The following WWOX variants were observed in gnomAD, a reference collection of about 807,000 sequenced individuals.
WWOX encodes the protein WW domain-containing oxidoreductase.
WWOX carries 69 observed loss-of-function variants against 46.2 expected under a neutral mutation model. The observed-to-expected ratio is 1.49, with a 90% CI of 1.23 to 1.82. The LOEUF (loss-of-function observed/expected upper bound fraction) is 1.82, where lower values mean the gene tolerates loss of function less well. WWOX is among the 40% of genes most tolerant of loss of function. WWOX has a pLI of 0.00. For missense variants in WWOX, 919 were observed against 542.6 expected, an observed-to-expected ratio of 1.69 and a Z score of -6.89; for synonymous variants, 359 against 202.6, an observed-to-expected ratio of 1.77 and a Z score of -6.56.
intron 8 of WWOX, among the ~76,000 whole-genome samples, chr16:78,558,109 C>G (rs1490210418): frequency 6.6e-6 from 1 of 152,078 alleles, no homozygotes; most frequent in South Asian, 2.1e-4. Context: ...CCGGCTCATT[C>G]TTGGCTTTCA....
At chr16:78,471,290 A>G (rs2084214256) in intron 8 of WWOX, among the ~76,000 whole-genome samples, 9 of 152,224 alleles carry the variant, frequency 5.9e-5, no homozygotes, top group Admixed American at 4.6e-4. Context: ...CAAACATGGA[A>G]TACAGATTTC....
intron 8 of WWOX, among the ~76,000 whole-genome samples, chr16:78,941,815 G>A (rs571622951): frequency 2.2e-4 from 33 of 152,260 alleles, no homozygotes; most frequent in Middle Eastern, 3.4e-3. Context: ...GTAAGTCAAG[G>A]ATTGTGCTTT....
In WWOX at chr16:78,974,228, T is replaced by C. The variant is rs1276743463; in HGVS notation, c.1057-237380T>C. Among the ~76,000 whole-genome samples the C allele has an allele frequency of 2.0e-5, 3 of 152,210 alleles. No homozygotes were observed. The South Asian group carries it at 6.2e-4, about 32-fold the overall frequency. On this transcript the variant is annotated intron_variant, in intron 8 of 8. Coordinates refer to ENST00000566780, the MANE Select transcript of WWOX (RefSeq NM_016373.4). The stretch of plus-strand genomic sequence containing the variant: ...GCGTACTCTTCAGAGAACGGATTCT[T>C]TTGGATTTGTGTTAGAGAAAAACTG...
chr16:78,956,011 A>AC (rs1290947767), intron 8 of WWOX, among the ~76,000 whole-genome samples: 1 of 152,014 alleles, frequency 6.6e-6, no homozygotes, highest in African/African-American at 2.4e-5. Context: ...CACAAAAAAA[A>AC]CTTTTTTTTT....
intron 5 of WWOX, among the ~76,000 whole-genome samples, chr16:78,189,169 C>G (rs1056314000): frequency 6.6e-6 from 1 of 152,158 alleles, no homozygotes; most frequent in Non-Finnish European, 1.5e-5. Flanking sequence ...GAAAGCGTGG[C>G]TTCTCAAGAC....
chr16:78,266,171 T>C (rs371826667), intron 5 of WWOX: 97 of 152,338 alleles, frequency 6.4e-4, no homozygotes, highest in African/African-American at 2.1e-3. Context: ...GAGCTAAGAA[T>C]GGTTTTTACA....
At chr16:78,676,319 C>G (rs553859379) in intron 8 of WWOX, among the ~76,000 whole-genome samples, 3 of 151,954 alleles carry the variant, frequency 2.0e-5, no homozygotes, top group Non-Finnish European at 2.9e-5. Context: ...ACTTTGTCCC[C>G]TTTTGTTCCT....
rs530800523 is a variant in WWOX at position 78,291,293 on chromosome 16, C to T, written c.517-95567C>T. ...ATGTGTATTCTTTGCTTAAGGACCA[C>T]AGCCTAATGTTATTTTGACTGCATT... is the stretch of plus-strand genomic sequence containing the variant. On this transcript the variant is annotated intron_variant, in intron 5 of 8. Coordinates refer to ENST00000566780, the MANE Select transcript of WWOX (RefSeq NM_016373.4). 2.3e-3 allele frequency among the ~76,000 whole-genome samples: 348 copies of T among 152,322 alleles called. 1 individual carries two copies. The highest frequency in any genetic ancestry group is 0.014 in the Middle Eastern group (4 of 294).
intron 8 of WWOX, among the ~76,000 whole-genome samples, chr16:79,072,108 C>T (rs1250804823): frequency 6.6e-6 from 1 of 152,052 alleles, no homozygotes; most frequent in Non-Finnish European, 1.5e-5. Context: ...AACAGTGAGA[C>T]TCCATCTCTA....
chr16:78,378,937 A>G (rs557612932), intron 5 of WWOX, among the ~76,000 whole-genome samples: 4 of 152,350 alleles, frequency 2.6e-5, no homozygotes, highest in Non-Finnish European at 4.4e-5. Flanking sequence ...TACGTCTTCA[A>G]GAATATGACG....
At chr16:78,651,820 T>A (rs2046971714) in intron 8 of WWOX, among the ~76,000 whole-genome samples, 1 of 152,176 alleles carries the variant, frequency 6.6e-6, no homozygotes, top group Non-Finnish European at 1.5e-5. Context: ...AACAAACTGA[T>A]TGGTTGGACT....
intron 8 of WWOX, among the ~76,000 whole-genome samples, chr16:78,735,255 A>G (rs1016654435): frequency 1.3e-5 from 2 of 151,986 alleles, no homozygotes; most frequent in Non-Finnish European, 2.9e-5. Flanking sequence ...CTGAAACTAC[A>G]CATCAGTTCT....
At chr16:78,530,057 C>T (rs72803915) in intron 8 of WWOX, among the ~76,000 whole-genome samples, 11,507 of 152,188 alleles carry the variant, frequency 0.076, 552 homozygotes, top group East Asian at 0.12. Context: ...GAACCCCCTG[C>T]ACTCCACCCC....
chr16:78,483,095 T>A (rs970709631), intron 8 of WWOX, among the ~76,000 whole-genome samples: 2 of 152,160 alleles, frequency 1.3e-5, no homozygotes, highest in African/African-American at 4.8e-5. Flanking sequence ...TTATGCCATA[T>A]TTTGCAAAGT....
At chr16:79,036,625 A>C (rs1407573525) in intron 8 of WWOX, among the ~76,000 whole-genome samples, 1 of 152,176 alleles carries the variant, frequency 6.6e-6, no homozygotes, top group African/African-American at 2.4e-5. Context: ...TACCAACTCC[A>C]TTCAATTCAC....
chr16:78,726,136 T>TCC (rs2048829985), intron 8 of WWOX, among the ~76,000 whole-genome samples: 1 of 124,468 alleles, frequency 8.0e-6, no homozygotes, highest in African/African-American at 2.9e-5. Flanking sequence ...TCCCTCTCTC[T>TCC]TTTTCTCTTT....
At chr16:78,383,461 T>C (rs1432883352) in intron 5 of WWOX, among the ~76,000 whole-genome samples, 1 of 152,170 alleles carries the variant, frequency 6.6e-6, no homozygotes. Flanking sequence ...GCAGATTCAC[T>C]GCCAGACCTG....
chr16:79,033,660 A>G (rs555214671), intron 8 of WWOX, among the ~76,000 whole-genome samples: 8 of 152,226 alleles, frequency 5.3e-5, no homozygotes, highest in Non-Finnish European at 1.2e-4. Context: ...CCATCTCCAG[A>G]ATGATTTTCA....
At chr16:78,479,116 G>GA (rs11407348) in intron 8 of WWOX, among the ~76,000 whole-genome samples, 3,169 of 150,616 alleles carry the variant, frequency 0.021, 105 homozygotes, top group African/African-American at 0.073. Flanking sequence ...TTTGGAAAAG[G>GA]AAAAAAAAAT....
Sources: gnomAD v4.1 joint callset for allele counts (sites outside exome capture counted in the v4.1 genomes callset) on GRCh38, gnomAD v4.1.1 for gene constraint, MANE v1.5 for transcripts, NCBI Gene and HGNC (gene_info 2026-07-23, HGNC 2026-07-21) for gene names.